FAF1: variants seen among roughly 807,000 people sequenced by gnomAD.
FAF1 encodes Fas associated factor 1.
FAF1 carries 25 observed loss-of-function variants against 92.5 expected under a neutral mutation model. The ratio of observed to expected loss-of-function variants is 0.27; its 90% CI spans 0.20 to 0.38. The LOEUF is 0.38. Ranked by LOEUF, FAF1 falls within the 10% of genes least tolerant of loss-of-function variation. The probability of loss-of-function intolerance (pLI) is 1.00; values close to 1 mark genes in which losing one functional copy is unlikely to be tolerated. For missense variants in FAF1, 636 were observed against 793.3 expected, an observed-to-expected ratio of 0.80 and a Z score of 2.38; for synonymous variants, 234 against 273.2, an observed-to-expected ratio of 0.86 and a Z score of 1.42.
intron 7 of FAF1, among the ~76,000 whole-genome samples, chr1:50,669,599 A>C (rs1436604272): frequency 6.6e-6 from 1 of 152,256 alleles, no homozygotes; most frequent in African/African-American, 2.4e-5. Context: ...AGAAAGCAAA[A>C]GTTAGTATTT....
At chr1:50,501,513 T>C (rs1378119409) in intron 15 of FAF1, among the ~76,000 whole-genome samples, 1 of 151,934 alleles carries the variant, frequency 6.6e-6, no homozygotes, top group Non-Finnish European at 1.5e-5. Flanking sequence ...TACAAAAATT[T>C]AGCTGGGCGT....
At chr1:50,486,146 T>A (rs987536162) in intron 17 of FAF1, among the ~76,000 whole-genome samples, 2 of 152,208 alleles carry the variant, frequency 1.3e-5, no homozygotes, top group African/African-American at 2.4e-5. Flanking sequence ...TCCCACTTAG[T>A]AGTCATTAAT....
intron 1 of FAF1, among the ~76,000 whole-genome samples, chr1:50,955,839 T>C (rs1645262040): frequency 6.6e-6 from 1 of 152,178 alleles, no homozygotes. Flanking sequence ...CATGCTAACA[T>C]ATATGACTCT....
intron 8 of FAF1, among the ~76,000 whole-genome samples, chr1:50,652,896 GTATT>G (rs1310351592): frequency 1.3e-5 from 2 of 152,118 alleles, no homozygotes; most frequent in African/African-American, 2.4e-5. Context: ...GCCAGGTACT[GTATT>G]TATATTATCA....
At chr1:50,624,896 TC>T in intron 8 of FAF1, among the ~76,000 whole-genome samples, 1 of 141,776 alleles carries the variant, frequency 7.1e-6, no homozygotes, top group South Asian at 2.2e-4. Flanking sequence ...AATCCCACAC[TC>T]TTTTTTTTTT....
chr1:50,486,339 G>A (rs115180668), intron 17 of FAF1, among the ~76,000 whole-genome samples: 1,682 of 152,046 alleles, frequency 0.011, 15 homozygotes, highest in Non-Finnish European at 0.019. Flanking sequence ...CTAATAATTC[G>A]ACTGTGTTCT....
At chr1:50,551,141 G>A (rs1468260244) in intron 13 of FAF1, among the ~76,000 whole-genome samples, 1 of 151,524 alleles carries the variant, frequency 6.6e-6, no homozygotes, top group Non-Finnish European at 1.5e-5. Context: ...ATTTTATATT[G>A]TATGTACAGA....
intron 1 of FAF1, among the ~76,000 whole-genome samples, chr1:50,923,505 GA>G (rs1025749881): frequency 1.6e-4 from 25 of 151,938 alleles, no homozygotes; most frequent in African/African-American, 5.8e-4. Context: ...CAAAACTCTT[GA>G]AAAAAACTAG....
At chr1:50,595,762 C>T (rs1171018922) in intron 9 of FAF1, among the ~76,000 whole-genome samples, 1 of 151,992 alleles carries the variant, frequency 6.6e-6, no homozygotes, top group African/African-American at 2.4e-5. Flanking sequence ...AGGCTGGTCT[C>T]GAACTCCTGG....
At chr1:50,604,651 G>T (rs905872551) in intron 8 of FAF1, among the ~76,000 whole-genome samples, 10 of 152,124 alleles carry the variant, frequency 6.6e-5, no homozygotes, top group Non-Finnish European at 1.5e-4. Context: ...GAGTCTGCAG[G>T]TGCATGCTGC....
chr1:50,676,867 C>T (rs867947133), intron 7 of FAF1, among the ~76,000 whole-genome samples: 13 of 152,088 alleles, frequency 8.5e-5, no homozygotes, highest in African/African-American at 2.9e-4. Flanking sequence ...AATTTTAAGA[C>T]ATTAACACTT....
At chr1:50,819,168 T>G (rs1268844853) in intron 2 of FAF1, among the ~76,000 whole-genome samples, 2 of 152,034 alleles carry the variant, frequency 1.3e-5, no homozygotes, top group Non-Finnish European at 2.9e-5. Context: ...TAATAAAAAT[T>G]AGATCCGTGC....
At chr1:50,927,728 T>C (rs1202554964) in intron 1 of FAF1, among the ~76,000 whole-genome samples, 1 of 152,168 alleles carries the variant, frequency 6.6e-6, no homozygotes, top group Non-Finnish European at 1.5e-5. Flanking sequence ...TAAACAAATT[T>C]TTTTTCTTAC....
chr1:50,831,033 A>T (rs977388145), intron 2 of FAF1, among the ~76,000 whole-genome samples: 2 of 152,228 alleles, frequency 1.3e-5, no homozygotes, highest in African/African-American at 4.8e-5. Context: ...ACAGATTTTT[A>T]AAAATCACAA....
Position 50,705,852 on chromosome 1 carries a change from G to A in FAF1, c.591C>T (p.Ile197=), listed in dbSNP as rs756054285. The stretch of plus-strand genomic sequence containing the variant: ...CCCGCTGGACTTCTCGGTGGGTGAT[G>A]ATCAGCATGAAGTTTTGATTTAATG... ...QESLNQNFML[I]ITHREVQREY... The change falls in exon 7 of 19, where the codon ATC becomes ATT. Residue 197 remains isoleucine (I), a synonymous_variant. Coordinates refer to ENST00000396153, the MANE Select transcript of FAF1 (RefSeq NM_007051.3). 6.2e-7 allele frequency: 1 copy of A among 1,612,438 alleles called. No individual in the cohort carries two copies. Among genetic ancestry groups the A allele is most frequent in the Non-Finnish European group, 8.5e-7 (1 of 1,179,066 alleles).
At chr1:50,582,327 T>A in intron 12 of FAF1, 1 of 320,038 alleles carries the variant, frequency 3.1e-6, no homozygotes, top group South Asian at 7.1e-5. Flanking sequence ...GTGAAATGGG[T>A]ATCTTGGTGA....
chr1:50,754,353 C>T (rs1659991307), intron 4 of FAF1, among the ~76,000 whole-genome samples: 1 of 152,142 alleles, frequency 6.6e-6, no homozygotes, highest in Non-Finnish European at 1.5e-5. Context: ...TGTACTAGTA[C>T]TCTCCACCAC....
chr1:50,631,072 G>A (rs1478605665), intron 8 of FAF1, among the ~76,000 whole-genome samples: 3 of 151,954 alleles, frequency 2.0e-5, no homozygotes, highest in Non-Finnish European at 2.9e-5. Context: ...TTATAGGCAT[G>A]AGCCACAGTG....
intron 18 of FAF1, among the ~76,000 whole-genome samples, chr1:50,448,430 G>T (rs572107565): frequency 1.3e-5 from 2 of 152,240 alleles, no homozygotes; most frequent in African/African-American, 2.4e-5. Flanking sequence ...TATAACTCTT[G>T]TTGGGGGAAG....
Sources: gnomAD v4.1 joint callset for allele counts (sites outside exome capture counted in the v4.1 genomes callset) on GRCh38, gnomAD v4.1.1 for gene constraint, MANE v1.5 for transcripts, NCBI Gene and HGNC (gene_info 2026-07-23, HGNC 2026-07-21) for gene names.